Variants in RAPH1 observed in about 807,000 individuals in gnomAD.
RAPH1 encodes ras-associated and pleckstrin homology domains-containing protein 1.
Under a neutral mutation model 88.1 loss-of-function variants are expected in RAPH1, and 18 were observed. The observed-to-expected ratio is 0.20, with a 90% confidence interval of 0.14 to 0.30. The LOEUF (loss-of-function observed/expected upper bound fraction) is 0.30, where lower values mean the gene tolerates loss of function less well. RAPH1 is among the 10% of genes least tolerant of loss of function. The pLI is 1.00. For synonymous variants in RAPH1, 587 were observed against 559.0 expected (o/e 1.05, Z -0.71); for missense variants, 1,448 against 1,543.2 (o/e 0.94, Z 1.03).
intron 2 of RAPH1, among the ~76,000 whole-genome samples, chr2:203,493,591 G>T (rs1340656045): frequency 6.6e-6 from 1 of 152,132 alleles, no homozygotes; most frequent in Non-Finnish European, 1.5e-5. Context: ...GGCAGTTACA[G>T]ACATAAGACA....
In RAPH1 at chr2:203,497,968, A is replaced by G. The variant is rs116183637; in HGVS notation, c.1-2615T>C. Among the ~76,000 whole-genome samples the G allele has an allele frequency of 6.4e-3, 970 of 152,322 alleles. 6 individuals are homozygous for G. The highest frequency in any genetic ancestry group is 9.8e-3 in the Non-Finnish European group (664 of 68,024). On this transcript the variant is annotated intron_variant, in intron 1 of 13. Coordinates refer to ENST00000319170, the MANE Select transcript of RAPH1 (RefSeq NM_213589.3). ...TGACTTAATTACTCAAATAGGTGCT[A>G]GTTTGAGAACACTCAGGAGCAGTAA... is the stretch of plus-strand genomic sequence containing the variant.
At position 203,434,429 on chromosome 2, in the gene RAPH1, C is replaced by CACTT. The variant is rs1220543508; in HGVS notation, c.*5004_*5007dup. On this transcript the variant is annotated 3_prime_UTR_variant, in exon 14 of 14. Coordinates refer to ENST00000319170, the MANE Select transcript of RAPH1 (RefSeq NM_213589.3). ...TTAACAGTAAACAATGTTTTTAAAACACTTAGCACAAGCTAATTTTATCTT... is the reference window on the plus strand; with the variant it reads ...TTAACAGTAAACAATGTTTTTAAAACACTTACTTAGCACAAGCTAATTTTATCTT... The CACTT allele has an allele frequency of 1.3e-5, 2 of 152,538 alleles. No individual in the cohort carries two copies. Among genetic ancestry groups the CACTT allele is most frequent in the East Asian group, 3.8e-4 (2 of 5,196 alleles). The allele number at this position is 152,538 out of a possible 1,614,324, so 9.4% of individuals were successfully genotyped here. A position where few individuals can be genotyped will look rare whatever the true frequency, so the allele number is the denominator to read the frequency against.
intron 1 of RAPH1, among the ~76,000 whole-genome samples, chr2:203,497,061 G>C (rs904150860): frequency 6.6e-6 from 1 of 152,116 alleles, no homozygotes; most frequent in Non-Finnish European, 1.5e-5. Context: ...TAAGGGGTGG[G>C]GCCTTAAAGA....
In RAPH1 at chr2:203,441,230, C is replaced by A; in HGVS notation, c.1960G>T (p.Ala654Ser). Residue 654 changes from alanine to serine, a missense_variant, in exon 14 of 14, where the codon GCA becomes TCA. Transcript: ENST00000319170. Reference sequence around the variant, plus strand: ...GGGGCTGCTGAGCCTGCAGAAGGTGCAGACTGGCTGGGGAGTGGGGGAGGA... The same window carrying A: ...GGGGCTGCTGAGCCTGCAGAAGGTGAAGACTGGCTGGGGAGTGGGGGAGGA... ...PPPPPLPSQSAPSAGSAAPMF... is the reference protein window; with the variant it reads ...PPPPPLPSQSSPSAGSAAPMF... 1 of 1,299,316 alleles carries A rather than the reference C, an allele frequency of 7.7e-7. No individual in the cohort carries two copies. The highest frequency in any genetic ancestry group is 1.0e-6 in the Non-Finnish European group (1 of 991,248). 80.5% of individuals were successfully genotyped at this position (1,299,316 alleles called of 1,614,324 possible).
chr2:203,448,903 A>AGTTT lies in RAPH1; in HGVS notation c.1414-68_1414-67insAAAC. 1 of 1,029,146 alleles carries AGTTT rather than the reference A, an allele frequency of 9.7e-7. No individual in the cohort carries two copies. Among genetic ancestry groups the AGTTT allele is most frequent in the Non-Finnish European group, 1.5e-6 (1 of 679,026 alleles). 63.8% of individuals were successfully genotyped at this position (1,029,146 alleles called of 1,614,324 possible). On this transcript the variant is annotated intron_variant, in intron 10 of 13. Transcript: ENST00000319170. This position sits in a 1 kb window ranked among gnomAD's most constrained non-coding sequence, Gnocchi z 4.1. ...ACTAAAGAAAAACAAACTTTATCAA[A>AGTTT]GCTTAAACATATCCTGACAAGTTAT...
rs766911224 is a variant in RAPH1 at position 203,440,641 on chromosome 2, G to A, written c.2549C>T (p.Pro850Leu). ...CACCGGTGACAGTGGAGAGGGAGGGGGTTTTGCACAGAAGCTCTGTTGCTT... is the reference window on the plus strand; with the variant it reads ...CACCGGTGACAGTGGAGAGGGAGGGAGTTTTGCACAGAAGCTCTGTTGCTT... Reference protein sequence around the residue: ...LPKQQSFCAKPPPSPLSPVPS... With the variant: ...LPKQQSFCAKLPPSPLSPVPS... Residue 850 changes from proline to leucine, a missense_variant, in exon 14 of 14, where the codon CCC (proline) becomes CTC (leucine). Transcript: ENST00000319170. The A allele has an allele frequency of 1.3e-6, 2 of 1,555,924 alleles. No homozygotes were observed. Among genetic ancestry groups the A allele is most frequent in the Admixed American group, 3.6e-5 (2 of 55,846 alleles).
intron 4 of RAPH1, among the ~76,000 whole-genome samples, chr2:203,489,111 T>G (rs1688124213): frequency 6.7e-6 from 1 of 150,258 alleles, no homozygotes; most frequent in African/African-American, 2.5e-5. Flanking sequence ...GGGCATGAGT[T>G]GTACAAGAGT....
At chr2:203,525,521 A>C (rs1345245733) in intron 1 of RAPH1, among the ~76,000 whole-genome samples, 1 of 152,166 alleles carries the variant, frequency 6.6e-6, no homozygotes, top group East Asian at 1.9e-4. Flanking sequence ...TACCACTAAA[A>C]AGGAACTACT....
chr2:203,439,381 G>C lies in RAPH1; in HGVS notation c.*56C>G. 2.0e-6 allele frequency: 3 copies of C among 1,526,294 alleles called. No individual in the cohort carries two copies. Among genetic ancestry groups the C allele is most frequent in the Non-Finnish European group, 2.7e-6 (3 of 1,113,476 alleles). The allele number at this position is 1,526,294 out of a possible 1,614,324, so 94.5% of individuals were successfully genotyped here. The stretch of plus-strand genomic sequence containing the variant: ...GAACACCTGAATTCACAGATGATCA[G>C]GTGAGCTGATTGTAGCAGTGATTAC... On this transcript the variant is annotated 3_prime_UTR_variant, in exon 14 of 14. Transcript: ENST00000319170.
At position 203,491,300 on chromosome 2, in the gene RAPH1, G is replaced by C. The variant is rs765884494; in HGVS notation, c.140C>G (p.Pro47Arg). Residue 47 changes from proline to arginine, a missense_variant, in exon 3 of 14, where the codon CCC (proline) becomes CGC (arginine). Physicochemically the swap from Pro to Arg is moderately radical, Grantham distance 103. Coordinates refer to ENST00000319170, the MANE Select transcript of RAPH1 (RefSeq NM_213589.3). Reference sequence around the variant, plus strand: ...AGGAGATCTTTTTACTGGTTCCATGGGCTTGTCAGAATCCAAACTCTTTAT... The same window carrying C: ...AGGAGATCTTTTTACTGGTTCCATGCGCTTGTCAGAATCCAAACTCTTTAT... ...KLTQSLDSDK[P>R]MEPVKRSPLR... 10 of 1,611,152 alleles carry C rather than the reference G, an allele frequency of 6.2e-6. No individual in the cohort carries two copies. The Admixed American group carries it at 1.7e-4, about 27-fold the overall frequency.
At chr2:203,509,206 G>T (rs1326800432) in intron 1 of RAPH1, among the ~76,000 whole-genome samples, 1 of 151,218 alleles carries the variant, frequency 6.6e-6, no homozygotes, top group Non-Finnish European at 1.5e-5. Flanking sequence ...GAGTAGCTGG[G>T]ATTACAGGTG....
chr2:203,461,752 C>T (rs2098524390), intron 5 of RAPH1, 96 bp downstream of exon 5: 1 of 836,708 alleles, frequency 1.2e-6, no homozygotes, highest in Non-Finnish European at 1.8e-6. Flanking sequence ...TGTATCTCTC[C>T]ATATCTTAGA....
intron 1 of RAPH1, among the ~76,000 whole-genome samples, chr2:203,516,478 G>C (rs1273135349): frequency 1.3e-5 from 2 of 152,230 alleles, no homozygotes; most frequent in Non-Finnish European, 2.9e-5. Flanking sequence ...GGCGGGGCGT[G>C]ATGGCTCACG....
chr2:203,487,011 C>A (rs1047678547), intron 4 of RAPH1, among the ~76,000 whole-genome samples: 1 of 152,168 alleles, frequency 6.6e-6, no homozygotes, highest in African/African-American at 2.4e-5. Flanking sequence ...CCCATGGATA[C>A]CACTAGATAC....
Position 203,448,699 on chromosome 2 carries a change from C to A in RAPH1, c.1512+39G>T. 7.4e-7 allele frequency: 1 copy of A among 1,357,834 alleles called. No homozygotes were observed. Among genetic ancestry groups the A allele is most frequent in the Non-Finnish European group, 1.0e-6 (1 of 971,306 alleles). The allele number at this position is 1,357,834 out of a possible 1,614,324, so 84.1% of individuals were successfully genotyped here. A position where few individuals can be genotyped will look rare whatever the true frequency, so the allele number is the denominator to read the frequency against. Reference sequence around the variant, plus strand: ...AAACGAAAACTATATCATCGACAAACACCTCATTATTCCATCATCAAATCA... The same window carrying A: ...AAACGAAAACTATATCATCGACAAAAACCTCATTATTCCATCATCAAATCA... On this transcript the variant is annotated intron_variant, in intron 11 of 13. Coordinates refer to ENST00000319170, the MANE Select transcript of RAPH1 (RefSeq NM_213589.3). The surrounding 1 kb of genome is among the most constrained non-coding windows in gnomAD (Gnocchi z 4.1).
At chr2:203,501,562 G>C (rs777523889) in intron 1 of RAPH1, among the ~76,000 whole-genome samples, 1 of 152,092 alleles carries the variant, frequency 6.6e-6, no homozygotes, top group African/African-American at 2.4e-5. Context: ...GAGCCCAGGA[G>C]TTTGAGACCT....
chr2:203,512,621 C>CTT (rs1201403582), intron 1 of RAPH1, among the ~76,000 whole-genome samples: 7,028 of 125,804 alleles, frequency 0.056, 536 homozygotes, highest in African/African-American at 0.14. Flanking sequence ...CATCCCTTAC[C>CTT]TTTTTTTTTT....
chr2:203,464,294 TG>T, intron 4 of RAPH1, among the ~76,000 whole-genome samples: 1 of 152,326 alleles, frequency 6.6e-6, no homozygotes, highest in Admixed American at 6.5e-5. Flanking sequence ...TTTGAGATGA[TG>T]GAGTCTTGCT....
At chr2:203,464,880 A>T (rs2098527243) in intron 4 of RAPH1, among the ~76,000 whole-genome samples, 1 of 152,226 alleles carries the variant, frequency 6.6e-6, no homozygotes, top group Non-Finnish European at 1.5e-5. Flanking sequence ...GCTAGTAAAT[A>T]AGCATATAAA....
Sources: gnomAD v4.1 joint callset for allele counts (sites outside exome capture counted in the v4.1 genomes callset) on GRCh38, gnomAD v4.1.1 for gene constraint, Gnocchi (gnomAD v3.1) non-coding constraint, MANE v1.5 for transcripts, NCBI Gene and HGNC (gene_info 2026-07-23, HGNC 2026-07-21) for gene names.